Variants in LRP1B observed in about 807,000 individuals in gnomAD.
LRP1B encodes LDL receptor related protein 1B.
A neutral mutation model predicts 556.6 loss-of-function variants in LRP1B; 217 were observed. The ratio of observed to expected loss-of-function variants is 0.39; its 90% CI spans 0.35 to 0.44. The LOEUF is 0.44. Among genes scored for constraint, LRP1B ranks in the 20% least tolerant of loss-of-function variants. The pLI is 1.00. For synonymous variants in LRP1B, 2,047 were observed against 1,865.8 expected, an observed-to-expected ratio of 1.10 and a Z score of -2.50; for missense variants, 5,053 against 5,620.8, an observed-to-expected ratio of 0.90 and a Z score of 3.23.
In LRP1B at chr2:141,365,654, G is replaced by GCTTTTTTTTTTTTTTGGCT. The variant is rs1553503412; in HGVS notation, c.344-111014_344-111013insAGCCAAAAAAAAAAAAAAG. On this transcript the variant is annotated intron_variant, in intron 3 of 90. Transcript: ENST00000389484. ...ATTTTTGTTTTGGTTTGTTTTTGTT[G>GCTTTTTTTTTTTTTTGGCT]CTTTTTTTTTTTTTTTGAGACAGAG... Among the ~76,000 whole-genome samples, 364 of 131,640 alleles carry GCTTTTTTTTTTTTTTGGCT rather than the reference G, an allele frequency of 2.8e-3. 6 individuals carry two copies. The highest frequency in any genetic ancestry group is 9.1e-3 in the African/African-American group (312 of 34,142). The allele number at this position is 131,640 out of a possible 152,430, so 86.4% of individuals were successfully genotyped here.
intron 35 of LRP1B, among the ~76,000 whole-genome samples, chr2:140,718,132 CTTTG>C (rs1303819655): frequency 6.6e-6 from 1 of 151,960 alleles, no homozygotes; most frequent in African/African-American, 2.4e-5. Context: ...CAACTGTCTC[CTTTG>C]TTTCTCTGCT....
At chr2:141,566,526 A>G (rs891054212) in intron 2 of LRP1B, among the ~76,000 whole-genome samples, 13 of 152,178 alleles carry the variant, frequency 8.5e-5, no homozygotes, top group African/African-American at 3.1e-4. Context: ...TGTATCCACC[A>G]TTCTTTATTG....
At chr2:140,558,900 C>G (rs1040870908) in intron 43 of LRP1B, among the ~76,000 whole-genome samples, 6 of 150,454 alleles carry the variant, frequency 4.0e-5, no homozygotes, top group Non-Finnish European at 7.4e-5. Flanking sequence ...GCCACCACTG[C>G]ACTCCAGCCT....
At chr2:140,602,317 T>C (rs1682704829) in intron 41 of LRP1B, among the ~76,000 whole-genome samples, 1 of 151,962 alleles carries the variant, frequency 6.6e-6, no homozygotes, top group Non-Finnish European at 1.5e-5. Context: ...AGTGACAAGG[T>C]GAAAAACAAA....
At chr2:140,407,595 C>T (rs935892828) in intron 66 of LRP1B, among the ~76,000 whole-genome samples, 2 of 152,040 alleles carry the variant, frequency 1.3e-5, no homozygotes, top group African/African-American at 2.4e-5. Context: ...CATTACTGAT[C>T]ATCAGGGAAA....
intron 2 of LRP1B, among the ~76,000 whole-genome samples, chr2:141,773,151 C>T (rs1407829440): frequency 6.6e-6 from 1 of 152,122 alleles, no homozygotes; most frequent in Non-Finnish European, 1.5e-5. Flanking sequence ...ATGACTTCTT[C>T]TTCTATGTGT....
chr2:141,173,544 A>T (rs564562830), intron 7 of LRP1B, among the ~76,000 whole-genome samples: 1 of 152,208 alleles, frequency 6.6e-6, no homozygotes, highest in African/African-American at 2.4e-5. Context: ...ATGACAAAGC[A>T]AACTTATTTA....
intron 3 of LRP1B, among the ~76,000 whole-genome samples, chr2:141,413,498 C>T (rs1474624761): frequency 5.9e-5 from 9 of 152,146 alleles, no homozygotes; most frequent in Non-Finnish European, 1.3e-4. Context: ...TGCAGCCCGG[C>T]CAACACCATC....
rs566289819 is a variant in LRP1B at position 141,878,811 on chromosome 2, A to AT, written c.83-68411dup. ...TACTCTATCTTACAATCTATTTGGAATTTTTTTTTATTTATGGGACAGAAG... is the reference window on the plus strand; with the variant it reads ...TACTCTATCTTACAATCTATTTGGAATTTTTTTTTTATTTATGGGACAGAAG... On this transcript the variant is annotated intron_variant, in intron 1 of 90. Transcript: ENST00000389484. 2.0e-3 allele frequency among the ~76,000 whole-genome samples: 309 copies of AT among 151,736 alleles called. 1 individual carries two copies. The highest frequency in any genetic ancestry group is 7.1e-3 in the African/African-American group (292 of 41,402).
chr2:141,753,537 A>G (rs940465709), intron 2 of LRP1B, among the ~76,000 whole-genome samples: 1 of 151,528 alleles, frequency 6.6e-6, no homozygotes, highest in African/African-American at 2.4e-5. Context: ...CTTCCTTCTC[A>G]CTGGATTTAT....
chr2:140,683,186 C>T (rs1685925575), intron 41 of LRP1B, among the ~76,000 whole-genome samples: 1 of 152,032 alleles, frequency 6.6e-6, no homozygotes, highest in Non-Finnish European at 1.5e-5. Context: ...AGGAGGATCC[C>T]ATTAAGAACA....
chr2:141,622,123 G>C (rs898901670), intron 2 of LRP1B, among the ~76,000 whole-genome samples: 10 of 152,022 alleles, frequency 6.6e-5, no homozygotes, highest in African/African-American at 1.9e-4. Context: ...ACTCCCGACC[G>C]CAGGTGATCT....
intron 41 of LRP1B, among the ~76,000 whole-genome samples, chr2:140,625,169 C>G (rs1683610710): frequency 6.6e-6 from 1 of 152,084 alleles, no homozygotes; most frequent in Non-Finnish European, 1.5e-5. Flanking sequence ...AGGGTAGAAG[C>G]AGGTCAACTG....
chr2:140,843,821 C>T (rs965115705), intron 29 of LRP1B, among the ~76,000 whole-genome samples: 1 of 152,268 alleles, frequency 6.6e-6, no homozygotes, highest in Non-Finnish European at 1.5e-5. Context: ...CATTACTTTG[C>T]TAATATATAA....
At chr2:141,111,506 T>A (rs1700749275) in intron 7 of LRP1B, among the ~76,000 whole-genome samples, 1 of 152,152 alleles carries the variant, frequency 6.6e-6, no homozygotes, top group South Asian at 2.1e-4. Flanking sequence ...AGAACCTCCC[T>A]CCTGTGTTTT....
intron 66 of LRP1B, among the ~76,000 whole-genome samples, chr2:140,439,792 T>A (rs1558883607): frequency 6.6e-6 from 1 of 152,050 alleles, no homozygotes; most frequent in Non-Finnish European, 1.5e-5. Flanking sequence ...TGAATATTCG[T>A]TGTCAAAATT....
At chr2:141,937,330 A>C (rs1700661631) in intron 1 of LRP1B, among the ~76,000 whole-genome samples, 1 of 151,978 alleles carries the variant, frequency 6.6e-6, no homozygotes, top group Non-Finnish European at 1.5e-5. Flanking sequence ...GTTTGCAGTG[A>C]GCCGAGATCG....
At chr2:141,428,694 T>C (rs1408585108) in intron 3 of LRP1B, among the ~76,000 whole-genome samples, 1 of 152,164 alleles carries the variant, frequency 6.6e-6, no homozygotes, top group African/African-American at 2.4e-5. Context: ...GACAAAACCA[T>C]TGATGTGACA....
intron 2 of LRP1B, among the ~76,000 whole-genome samples, chr2:141,724,968 G>T (rs1467541981): frequency 6.6e-6 from 1 of 151,782 alleles, no homozygotes; most frequent in African/African-American, 2.4e-5. Flanking sequence ...TAATTCACAG[G>T]TATAGAAACT....
Sources: allele counts gnomAD v4.1 joint callset (sites outside exome capture counted in the v4.1 genomes callset), GRCh38; gene constraint gnomAD v4.1.1; transcripts MANE v1.5; gene names NCBI Gene and HGNC (gene_info 2026-07-23, HGNC 2026-07-21).